LRRC9: variants seen among roughly 807,000 people sequenced by gnomAD.
LRRC9 encodes leucine rich repeat containing 9.
A neutral mutation model predicts 63.2 loss-of-function variants in LRRC9; 122 were observed. The observed-to-expected ratio is 1.93, with a 90% CI of 1.67 to 2.24. The LOEUF is 2.24. LRRC9 is among the 30% of genes most tolerant of loss of function. The pLI is 0.00. For missense variants in LRRC9, 1,071 were observed against 627.7 expected, an observed-to-expected ratio of 1.71 and a Z score of -7.55; for synonymous variants, 366 against 213.1, an observed-to-expected ratio of 1.72 and a Z score of -6.25.
At chr14:59,979,574 G>A (rs1174800528) in intron 15 of LRRC9, among the ~76,000 whole-genome samples, 1 of 151,918 alleles carries the variant, frequency 6.6e-6, no homozygotes, top group African/African-American at 2.4e-5. Context: ...ATCGCGCCAC[G>A]GCATTCCAGC....
At chr14:60,061,892 A>G in intron 31 of LRRC9, 119 bp from the exon 32 acceptor site, 1 of 395,318 alleles carries the variant, frequency 2.5e-6, no homozygotes, top group Non-Finnish European at 4.5e-6. Context: ...TTTATGAAAC[A>G]TGTATTGCAT....
intron 6 of LRRC9, among the ~76,000 whole-genome samples, chr14:59,934,163 G>T (rs1159263661): frequency 2.0e-5 from 3 of 152,066 alleles, no homozygotes; most frequent in African/African-American, 7.2e-5. Flanking sequence ...AGAAGAGGAG[G>T]AGGAGGAAAG....
chr14:60,008,565 T>A (rs1345390700), intron 23 of LRRC9, among the ~76,000 whole-genome samples: 1 of 152,186 alleles, frequency 6.6e-6, no homozygotes, highest in Admixed American at 6.5e-5. Context: ...CTATTTTCAG[T>A]GCAAATATAG....
chr14:59,982,514 A>G (rs1594937361), intron 16 of LRRC9, among the ~76,000 whole-genome samples: 1 of 152,250 alleles, frequency 6.6e-6, no homozygotes, highest in Middle Eastern at 3.4e-3. Flanking sequence ...ATCACATGGC[A>G]AGAAGGCAAG....
At chr14:60,009,708 G>T (rs1020951045) in intron 23 of LRRC9, among the ~76,000 whole-genome samples, 3 of 152,164 alleles carry the variant, frequency 2.0e-5, no homozygotes, top group Non-Finnish European at 4.4e-5. Context: ...GACAAGTCAA[G>T]TCCCTTCTGC....
Position 60,053,718 on chromosome 14 carries a change from GC to G in LRRC9, c.4131+516del, listed in dbSNP as rs1894067716. Among the ~76,000 whole-genome samples the G allele has an allele frequency of 6.6e-6, 1 of 152,080 alleles. No individual in the cohort carries two copies. Among genetic ancestry groups the G allele is most frequent in the Admixed American group, 6.6e-5 (1 of 15,262 alleles). On this transcript the variant is annotated intron_variant, in intron 30 of 31. Transcript: ENST00000445360. The surrounding 1 kb of genome is among the most constrained non-coding windows in gnomAD (Gnocchi z 4.8). ...GGATAATTGGGCTTTTTACTCAGGA[GC>G]CCTAAAATGTATCTGATCATGGTAG...
chr14:59,935,575 A>G (rs905864442), intron 6 of LRRC9, among the ~76,000 whole-genome samples: 3 of 152,218 alleles, frequency 2.0e-5, no homozygotes, highest in African/African-American at 7.2e-5. Flanking sequence ...TATACTTAAA[A>G]TAGGCTAAAA....
chr14:59,966,658 A>C lies in LRRC9; in HGVS notation c.1281A>C (p.Thr427=). ...GGGACTTCAGAACATACGGTATTAC[A>C]GGAGTAAAAGTAAAACGCATCATTA... Residue 427 remains threonine (T), a synonymous_variant, in exon 11 of 32, where the codon ACA becomes ACC. Coordinates refer to ENST00000445360, the Ensembl canonical transcript of LRRC9. The surrounding 1 kb of genome is among the most constrained non-coding windows in gnomAD (Gnocchi z 4.0). 1 of 698,300 alleles carries C rather than the reference A, an allele frequency of 1.4e-6. No homozygotes were observed. The highest frequency in any genetic ancestry group is 2.6e-6 in the Non-Finnish European group (1 of 383,088). 43.3% of individuals were successfully genotyped at this position (698,300 alleles called of 1,614,324 possible).
chr14:59,949,494 G>A (rs1204906163), intron 8 of LRRC9, among the ~76,000 whole-genome samples: 1 of 150,298 alleles, frequency 6.7e-6, no homozygotes, highest in East Asian at 2.0e-4. Context: ...AGGGTTTTTT[G>A]TGTCTCTATT....
rs1206896471 is a variant in LRRC9, at chr14:60,051,374, A to AG, written c.3991-1689dup. ...CAGTCTGAGCATGATCTTGCAAAGC[A>AG]GGTGTGTTGCAGTTAGGGGGAACCC... On this transcript the variant is annotated intron_variant, in intron 29 of 31. Coordinates refer to ENST00000445360, the Ensembl canonical transcript of LRRC9. The surrounding 1 kb of genome is among the most constrained non-coding windows in gnomAD (Gnocchi z 4.7). Among the ~76,000 whole-genome samples, 1 of 152,216 alleles carries AG rather than the reference A, an allele frequency of 6.6e-6. No individual in the cohort carries two copies. Among genetic ancestry groups the AG allele is most frequent in the African/African-American group, 2.4e-5 (1 of 41,464 alleles).
intron 23 of LRRC9, among the ~76,000 whole-genome samples, chr14:60,012,968 T>G (rs1359094295): frequency 1.3e-5 from 2 of 151,336 alleles, no homozygotes. Flanking sequence ...TTAATTTTAT[T>G]ATTATTATAC....
rs1425663426 is a variant in LRRC9, at chr14:60,042,334, C to T, written c.3990+10271C>T. 1.3e-5 allele frequency among the ~76,000 whole-genome samples: 2 copies of T among 152,218 alleles called. No homozygotes were observed. The highest frequency in any genetic ancestry group is 2.9e-5 in the Non-Finnish European group (2 of 68,032). ...TTCTGCTGCCTGTTGTTCAGCTATG[C>T]CCTGCCCCCAGAGGTGGAGTCTACA... On this transcript the variant is annotated intron_variant, in intron 29 of 31. Coordinates refer to ENST00000445360, the Ensembl canonical transcript of LRRC9. The surrounding 1 kb of genome is among the most constrained non-coding windows in gnomAD (Gnocchi z 4.2).
At position 60,058,597 on chromosome 14, in the gene LRRC9, T is replaced by C. The variant is rs1566915512; in HGVS notation, c.4276+575T>C. On this transcript the variant is annotated intron_variant, in intron 31 of 31. Coordinates refer to ENST00000445360, the Ensembl canonical transcript of LRRC9. This position sits in a 1 kb window ranked among gnomAD's most constrained non-coding sequence, Gnocchi z 4.4. Reference sequence around the variant, plus strand: ...TTTATTCTGCTATATAAATTTTAGTTCAAGTTTAGAATAAGCCTGTTCCCT... The same window carrying C: ...TTTATTCTGCTATATAAATTTTAGTCCAAGTTTAGAATAAGCCTGTTCCCT... Among the ~76,000 whole-genome samples the C allele has an allele frequency of 1.3e-5, 2 of 152,168 alleles. No individual in the cohort carries two copies. The highest frequency in any genetic ancestry group is 2.9e-5 in the Non-Finnish European group (2 of 68,014).
intron 29 of LRRC9, among the ~76,000 whole-genome samples, chr14:60,040,305 T>C (rs954722622): frequency 6.6e-6 from 1 of 151,980 alleles, no homozygotes; most frequent in Non-Finnish European, 1.5e-5. Flanking sequence ...GTTCAATTCC[T>C]GGATATCCTT....
At chr14:59,971,951 C>T (rs960206274) in intron 12 of LRRC9, among the ~76,000 whole-genome samples, 1 of 152,152 alleles carries the variant, frequency 6.6e-6, no homozygotes, top group Admixed American at 6.6e-5. Context: ...GCACATTGCA[C>T]TGTGTCCATG....
chr14:59,961,882 A>G (rs572263684), intron 10 of LRRC9, among the ~76,000 whole-genome samples: 3 of 152,346 alleles, frequency 2.0e-5, no homozygotes, highest in Admixed American at 6.5e-5. Flanking sequence ...GAGCCACACA[A>G]TAGGAACTGG....
intron 12 of LRRC9, among the ~76,000 whole-genome samples, chr14:59,971,659 G>C (rs1243388673): frequency 6.6e-6 from 1 of 152,004 alleles, no homozygotes; most frequent in Admixed American, 6.6e-5. Flanking sequence ...CTTCTTTCCT[G>C]ATTTCCATAA....
At chr14:59,928,398 C>G (rs1447828242) in exon 3 of LRRC9, 1 of 697,924 alleles carries the variant, frequency 1.4e-6, no homozygotes, top group Admixed American at 2.0e-5. Context: ...ACGAGTCTTA[C>G]CATTGTTGCT....
chr14:59,999,031 G>T, intron 18 of LRRC9, 70 bp from the exon 19 acceptor site: 2 of 556,298 alleles, frequency 3.6e-6, no homozygotes, highest in South Asian at 5.2e-5. Flanking sequence ...GGAAAGACAT[G>T]AAAACAGTCA....
Sources: gnomAD v4.1 joint callset for allele counts (sites outside exome capture counted in the v4.1 genomes callset) on GRCh38, gnomAD v4.1.1 for gene constraint, Gnocchi (gnomAD v3.1) non-coding constraint, MANE v1.5 for transcripts, NCBI Gene and HGNC (gene_info 2026-07-23, HGNC 2026-07-21) for gene names.